The following TSC22D1 variants were observed in gnomAD, a reference collection of about 807,000 sequenced individuals.
The protein encoded by TSC22D1 is TSC22 domain family member 1, also known as TSC22 domain family protein 1.
TSC22D1 carries 9 observed loss-of-function variants against 74.2 expected under a neutral mutation model. That is an observed-to-expected ratio of 0.12 (90% CI 0.07 to 0.21). TSC22D1 has a LOEUF of 0.21. TSC22D1 is among the 10% of genes least tolerant of loss of function. The pLI is 1.00. For missense variants in TSC22D1, 1,427 were observed against 1,304.7 expected, an observed-to-expected ratio of 1.09 and a Z score of -1.44; for synonymous variants, 586 against 492.5, an observed-to-expected ratio of 1.19 and a Z score of -2.51.
chr13:44,513,179 T>TA (rs984808282), intron 1 of TSC22D1, among the ~76,000 whole-genome samples: 3 of 152,176 alleles, frequency 2.0e-5, no homozygotes, highest in Admixed American at 6.5e-5. Context: ...CCCCTAACAC[T>TA]AAAAAATGTC....
intron 1 of TSC22D1, among the ~76,000 whole-genome samples, chr13:44,451,228 C>T (rs555257863): frequency 3.9e-5 from 6 of 152,308 alleles, no homozygotes; most frequent in South Asian, 2.1e-4. Flanking sequence ...AACAGACAGA[C>T]GGCAGCTGCA....
At chr13:44,505,040 C>T (rs1311539764) in intron 1 of TSC22D1, among the ~76,000 whole-genome samples, 2 of 152,154 alleles carry the variant, frequency 1.3e-5, no homozygotes, top group Non-Finnish European at 2.9e-5. Flanking sequence ...TAATGTGAAT[C>T]GTAGTGCTCT....
chr13:44,514,408 A>C (rs1879873596), intron 1 of TSC22D1, among the ~76,000 whole-genome samples: 1 of 152,110 alleles, frequency 6.6e-6, no homozygotes, highest in Non-Finnish European at 1.5e-5. Flanking sequence ...CATCACACAC[A>C]CACAAAAAAA....
intron 1 of TSC22D1, among the ~76,000 whole-genome samples, chr13:44,551,310 GGTGTGTGT>G (rs370742852): frequency 5.1e-4 from 68 of 132,856 alleles, no homozygotes; most frequent in African/African-American, 1.9e-3. Flanking sequence ...ATCAGCTGGG[GGTGTGTGT>G]GTGTGTGTGT....
intron 1 of TSC22D1, among the ~76,000 whole-genome samples, chr13:44,568,345 T>C (rs889825025): frequency 1.4e-4 from 22 of 152,102 alleles, no homozygotes; most frequent in Non-Finnish European, 2.1e-4. Flanking sequence ...ATATCTGATA[T>C]TGGAACATCC....
At chr13:44,559,839 G>T (rs1882921306) in intron 1 of TSC22D1, among the ~76,000 whole-genome samples, 1 of 151,976 alleles carries the variant, frequency 6.6e-6, no homozygotes, top group Non-Finnish European at 1.5e-5. Context: ...CTGCAGGTGT[G>T]TGCCACCATG....
At chr13:44,440,020 G>A (rs1875057464) in intron 1 of TSC22D1, among the ~76,000 whole-genome samples, 1 of 152,132 alleles carries the variant, frequency 6.6e-6, no homozygotes, top group Non-Finnish European at 1.5e-5. Flanking sequence ...AATCACTGCT[G>A]TCTAAGGACT....
intron 1 of TSC22D1, among the ~76,000 whole-genome samples, chr13:44,473,871 A>G (rs1017507961): frequency 3.9e-5 from 6 of 152,234 alleles, no homozygotes; most frequent in Non-Finnish European, 8.8e-5. Flanking sequence ...TTTTAAGCCA[A>G]TTTGTAATGG....
At chr13:44,436,890 C>A (rs765258005) in intron 1 of TSC22D1, 10 of 1,137,796 alleles carry the variant, frequency 8.8e-6, no homozygotes, top group Non-Finnish European at 1.1e-5. Flanking sequence ...AAAATATATG[C>A]AGGAAAGAGC....
intron 1 of TSC22D1, among the ~76,000 whole-genome samples, chr13:44,517,446 A>T (rs1880049498): frequency 6.6e-6 from 1 of 152,190 alleles, no homozygotes; most frequent in Non-Finnish European, 1.5e-5. Flanking sequence ...ACAAGAAATT[A>T]TCTACAATTG....
Position 44,497,529 on chromosome 13 carries a change from ATAAAT to A in TSC22D1, c.2913-61439_2913-61435del. Among the ~76,000 whole-genome samples, 2 of 152,338 alleles carry A rather than the reference ATAAAT, an allele frequency of 1.3e-5. 1 individual carries two copies. The highest frequency in any genetic ancestry group is 1.3e-4 in the Admixed American group (2 of 15,302). On this transcript the variant is annotated intron_variant, in intron 1 of 2. Transcript: ENST00000458659. ...TCAAATGGTTAATCTTATGTTGTTT[ATAAAT>A]TAAATGTCACCTCAATTTAAAAAGG... is the stretch of plus-strand genomic sequence containing the variant.
intron 1 of TSC22D1, among the ~76,000 whole-genome samples, chr13:44,534,972 G>A (rs558182167): frequency 1.3e-5 from 2 of 152,218 alleles, no homozygotes; most frequent in South Asian, 2.1e-4. Flanking sequence ...TAAATGCTGA[G>A]AGCAGGGGTA....
At chr13:44,515,160 TAGAC>T (rs1749033290) in intron 1 of TSC22D1, among the ~76,000 whole-genome samples, 2 of 152,178 alleles carry the variant, frequency 1.3e-5, no homozygotes, top group Admixed American at 1.3e-4. Context: ...TATATGCAGA[TAGAC>T]AGGAACGACA....
chr13:44,556,115 T>C (rs1882619785), intron 1 of TSC22D1, among the ~76,000 whole-genome samples: 2 of 152,052 alleles, frequency 1.3e-5, no homozygotes, highest in Admixed American at 6.6e-5. Context: ...AGATACATCT[T>C]TACTATTGTT....
At chr13:44,445,584 A>G (rs1435220511) in intron 1 of TSC22D1, among the ~76,000 whole-genome samples, 1 of 152,148 alleles carries the variant, frequency 6.6e-6, no homozygotes, top group Non-Finnish European at 1.5e-5. Flanking sequence ...AAGAATGAAA[A>G]AACAAACTAT....
chr13:44,457,217 C>A (rs1220923304), intron 1 of TSC22D1, among the ~76,000 whole-genome samples: 1 of 152,242 alleles, frequency 6.6e-6, no homozygotes, highest in Non-Finnish European at 1.5e-5. Flanking sequence ...GCAAACAGCA[C>A]ATATCTCAAA....
chr13:44,518,507 T>A (rs1224386793), intron 1 of TSC22D1, among the ~76,000 whole-genome samples: 1 of 152,142 alleles, frequency 6.6e-6, no homozygotes, highest in Admixed American at 6.6e-5. Flanking sequence ...GAAAAACAAA[T>A]GTGGGAATTA....
chr13:44,568,262 C>G (rs1472575018), intron 1 of TSC22D1, among the ~76,000 whole-genome samples: 1 of 152,078 alleles, frequency 6.6e-6, no homozygotes, highest in African/African-American at 2.4e-5. Flanking sequence ...GTGTACCAAG[C>G]CAAGAAGGCA....
intron 1 of TSC22D1, among the ~76,000 whole-genome samples, chr13:44,517,821 GTGTGTGTGTATATATA>G (rs1455512081): frequency 7.4e-4 from 24 of 32,648 alleles, no homozygotes; most frequent in African/African-American, 2.5e-3. Context: ...ATGTGTGTGT[GTGTGTGTGTATATATA>G]TATATATATA....
Sources: gnomAD v4.1 joint callset for allele counts (sites outside exome capture counted in the v4.1 genomes callset) on GRCh38, gnomAD v4.1.1 for gene constraint, MANE v1.5 for transcripts, NCBI Gene and HGNC (gene_info 2026-07-23, HGNC 2026-07-21) for gene names.